PIP5K1B: variants seen among roughly 807,000 people sequenced by gnomAD.
The protein encoded by PIP5K1B is phosphatidylinositol 4-phosphate 5-kinase type-1 beta.
PIP5K1B carries 42 observed loss-of-function variants against 67.0 expected under a neutral mutation model. That is an observed-to-expected ratio of 0.63 (90% CI 0.49 to 0.81). The LOEUF is 0.81. Ranked by LOEUF, PIP5K1B falls within the 30% of genes least tolerant of loss-of-function variation. The pLI, the probability that PIP5K1B is intolerant of heterozygous loss-of-function variation, is 0.00. For synonymous variants in PIP5K1B, 214 were observed against 231.4 expected, an observed-to-expected ratio of 0.92 and a Z score of 0.68; for missense variants, 459 against 646.3, an observed-to-expected ratio of 0.71 and a Z score of 3.14.
At chr9:68,724,544 A>G (rs914441821) in intron 1 of PIP5K1B, among the ~76,000 whole-genome samples, 2 of 152,132 alleles carry the variant, frequency 1.3e-5, no homozygotes, top group African/African-American at 4.8e-5. Flanking sequence ...CATTTTAACA[A>G]TATTCTTCCA....
Position 69,008,626 on chromosome 9 carries a change from G to A in PIP5K1B, c.*177G>A. 1 of 662,148 alleles carries A rather than the reference G, an allele frequency of 1.5e-6. No homozygotes were observed. The highest frequency in any genetic ancestry group is 2.8e-5 in the East Asian group (1 of 35,984). 41.0% of individuals were successfully genotyped at this position (662,148 alleles called of 1,614,324 possible). A position where few individuals can be genotyped will look rare whatever the true frequency, so the allele number is the denominator to read the frequency against. On this transcript the variant is annotated 3_prime_UTR_variant, in exon 16 of 16. Transcript: ENST00000265382. ...CAACTTCAGGCTGATCAGCAGATGG[G>A]ATGTGAAAAATACTACCCTATTCTA...
rs775078871 is a variant in PIP5K1B, at chr9:68,863,858, G to A, written c.91G>A (p.Gly31Ser). Residue 31 changes from glycine (G) to serine (S), a missense_variant, in exon 5 of 16, where the codon GGT becomes AGT. This residue lies in a region of PIP5K1B where 290 missense variants were observed against 474.4 expected (regional missense o/e 0.61). Transcript: ENST00000265382. ...YKKTASSAIK[G>S]AIQLGIGYTV... ...GCAGACTGCATCATCTGCTATTAAA[G>A]GTGCTATTCAGCTGGGAATAGGATA... The A allele has an allele frequency of 9.3e-6, 15 of 1,613,726 alleles. No homozygotes were observed. Among genetic ancestry groups the A allele is most frequent in the Non-Finnish European group, 1.2e-5 (14 of 1,179,740 alleles).
rs1826961650 is a variant in PIP5K1B, at chr9:68,930,868, A to G, written c.1202-4022A>G. 2.0e-5 allele frequency among the ~76,000 whole-genome samples: 3 copies of G among 152,266 alleles called. No individual in the cohort carries two copies. In the South Asian group the frequency reaches 6.2e-4, roughly 32 times the overall value. Reference sequence around the variant, plus strand: ...TTTCCTGGCACACAGTAGACACTCAATGGTTATTTGATGAATAATGCAATG... The same window carrying G: ...TTTCCTGGCACACAGTAGACACTCAGTGGTTATTTGATGAATAATGCAATG... On this transcript the variant is annotated intron_variant, in intron 12 of 15. Transcript: ENST00000265382.
chr9:68,886,875 G>T (rs1344395311), intron 6 of PIP5K1B, among the ~76,000 whole-genome samples: 1 of 152,150 alleles, frequency 6.6e-6, no homozygotes, highest in East Asian at 1.9e-4. Flanking sequence ...CACTGGATGT[G>T]GTCTGTCCCC....
intron 2 of PIP5K1B, among the ~76,000 whole-genome samples, chr9:68,748,471 T>G (rs554944463): frequency 1.3e-5 from 2 of 152,334 alleles, no homozygotes; most frequent in South Asian, 2.1e-4. Flanking sequence ...ATGCAAAGAT[T>G]ACAGGTGATT....
chr9:68,743,537 A>G (rs1024617772), intron 2 of PIP5K1B, among the ~76,000 whole-genome samples: 10 of 152,234 alleles, frequency 6.6e-5, no homozygotes, highest in African/African-American at 2.2e-4. Flanking sequence ...ATGAGCTTTC[A>G]TAAGAACACT....
intron 4 of PIP5K1B, among the ~76,000 whole-genome samples, chr9:68,841,255 G>C (rs142066932): frequency 6.6e-6 from 1 of 152,288 alleles, no homozygotes; most frequent in East Asian, 1.9e-4. Flanking sequence ...GGTTACTACT[G>C]TTAACATGAA....
intron 8 of PIP5K1B, among the ~76,000 whole-genome samples, chr9:68,904,656 G>A (rs920788994): frequency 3.3e-5 from 5 of 152,240 alleles, no homozygotes; most frequent in Middle Eastern, 3.4e-3. Context: ...TTGCAGGGGA[G>A]GAGATTAGGG....
At chr9:68,775,451 C>G (rs1243768488) in intron 2 of PIP5K1B, among the ~76,000 whole-genome samples, 1 of 152,164 alleles carries the variant, frequency 6.6e-6, no homozygotes, top group African/African-American at 2.4e-5. Flanking sequence ...ATAAGAGTTA[C>G]TCAAACATAA....
chr9:68,929,534 C>T (rs1554739967), intron 12 of PIP5K1B, among the ~76,000 whole-genome samples: 1 of 152,148 alleles, frequency 6.6e-6, no homozygotes, highest in Non-Finnish European at 1.5e-5. Context: ...TGCTGTCTCA[C>T]TTTTTTTATT....
intron 2 of PIP5K1B, among the ~76,000 whole-genome samples, chr9:68,763,508 T>C (rs1830281950): frequency 6.6e-6 from 1 of 152,072 alleles, no homozygotes. Context: ...ATCACAATGA[T>C]ATTACATGAG....
chr9:68,780,863 A>G, intron 2 of PIP5K1B: 3 of 1,614,262 alleles, frequency 1.9e-6, no homozygotes, highest in South Asian at 2.2e-5. Context: ...CACAGCTGTC[A>G]GATCCTGGTG....
intron 2 of PIP5K1B, among the ~76,000 whole-genome samples, chr9:68,792,066 C>A (rs1401232657): frequency 1.3e-5 from 2 of 152,224 alleles, no homozygotes; most frequent in Admixed American, 1.3e-4. Flanking sequence ...TTCCTGATGG[C>A]CCCTGCCTCT....
intron 4 of PIP5K1B, among the ~76,000 whole-genome samples, chr9:68,844,357 G>A (rs546820185): frequency 6.6e-6 from 1 of 152,296 alleles, no homozygotes; most frequent in South Asian, 2.1e-4. Flanking sequence ...GCCTGGGAAG[G>A]GGGAACCAAG....
At chr9:68,989,043 G>C (rs183835277) in intron 14 of PIP5K1B, among the ~76,000 whole-genome samples, 3 of 123,198 alleles carry the variant, frequency 2.4e-5, no homozygotes, top group African/African-American at 9.8e-5. Flanking sequence ...TGCAGTGAGC[G>C]AAGACCGTGC....
chr9:68,750,235 C>G (rs933526007), intron 2 of PIP5K1B, among the ~76,000 whole-genome samples: 1 of 152,120 alleles, frequency 6.6e-6, no homozygotes, highest in Admixed American at 6.5e-5. Flanking sequence ...TGTAAAGATG[C>G]ACATGTTTTA....
At chr9:68,829,879 C>G (rs990631133) in intron 4 of PIP5K1B, among the ~76,000 whole-genome samples, 2 of 152,226 alleles carry the variant, frequency 1.3e-5, no homozygotes, top group South Asian at 2.1e-4. Flanking sequence ...AGAATGCAGT[C>G]CCTGAGCCTC....
At chr9:68,954,782 TC>T (rs1828299011) in intron 14 of PIP5K1B, among the ~76,000 whole-genome samples, 1 of 152,156 alleles carries the variant, frequency 6.6e-6, no homozygotes, top group African/African-American at 2.4e-5. Flanking sequence ...GCACCAGATC[TC>T]CTCTACATGT....
intron 1 of PIP5K1B, among the ~76,000 whole-genome samples, chr9:68,720,130 G>T (rs1425809353): frequency 6.6e-6 from 1 of 152,168 alleles, no homozygotes; most frequent in African/African-American, 2.4e-5. Context: ...ATTGTTGAAT[G>T]AACTCATTCT....
Sources: allele counts gnomAD v4.1 joint callset (sites outside exome capture counted in the v4.1 genomes callset), GRCh38; gene constraint gnomAD v4.1.1; regional missense constraint gnomAD v4.1.1; transcripts MANE v1.5; gene names NCBI Gene and HGNC (gene_info 2026-07-23, HGNC 2026-07-21).